NAALADL2: variants seen among roughly 807,000 people sequenced by gnomAD.
The protein encoded by NAALADL2 is inactive N-acetylated-alpha-linked acidic dipeptidase-like protein 2.
In NAALADL2, 76 loss-of-function variants were observed where a neutral mutation model predicts 87.2. The observed-to-expected ratio is 0.87, with a 90% CI of 0.72 to 1.05. The LOEUF (loss-of-function observed/expected upper bound fraction) is 1.05. Among genes scored for constraint, NAALADL2 ranks in the 50% least tolerant of loss-of-function variants. The pLI, the probability that NAALADL2 is intolerant of heterozygous loss-of-function variation, is 0.00. For missense variants in NAALADL2, 1,089 were observed against 945.8 expected (o/e 1.15, Z -1.99); for synonymous variants, 354 against 331.0 (o/e 1.07, Z -0.75).
At chr3:175,742,982 G>C (rs573387299) in intron 12 of NAALADL2, among the ~76,000 whole-genome samples, 2 of 151,546 alleles carry the variant, frequency 1.3e-5, no homozygotes, top group Non-Finnish European at 2.9e-5. Context: ...TCAGAGGAAG[G>C]TCAGACAATT....
intron 2 of NAALADL2, among the ~76,000 whole-genome samples, chr3:175,183,048 T>G: frequency 1.3e-5 from 1 of 78,272 alleles, no homozygotes; most frequent in East Asian, 5.2e-4. Flanking sequence ...TATATGAACT[T>G]TAAGATTTTT....
At chr3:175,325,207 C>T (rs1760555714) in intron 5 of NAALADL2, among the ~76,000 whole-genome samples, 1 of 152,106 alleles carries the variant, frequency 6.6e-6, no homozygotes, top group Admixed American at 6.5e-5. Context: ...TACTCAAATC[C>T]AGCTGCCTAT....
chr3:174,978,321 A>T (rs1009222143), intron 1 of NAALADL2, among the ~76,000 whole-genome samples: 4 of 152,208 alleles, frequency 2.6e-5, no homozygotes, highest in African/African-American at 9.6e-5. Context: ...TTTTAATGTC[A>T]GTTTTTAATT....
chr3:175,640,957 G>A (rs1729207775), intron 11 of NAALADL2, among the ~76,000 whole-genome samples: 1 of 152,144 alleles, frequency 6.6e-6, no homozygotes, highest in South Asian at 2.1e-4. Context: ...TATTTCACTA[G>A]GCAACTGCTT....
At chr3:174,597,250 A>G (rs1309232494) in intron 2 of NAALADL2, among the ~76,000 whole-genome samples, 1 of 152,216 alleles carries the variant, frequency 6.6e-6, no homozygotes, top group East Asian at 1.9e-4. Flanking sequence ...TTGTAACAAC[A>G]GGAGTCTAGT....
At chr3:174,669,010 G>A (rs2108797252) in intron 2 of NAALADL2, among the ~76,000 whole-genome samples, 1 of 152,222 alleles carries the variant, frequency 6.6e-6, no homozygotes, top group East Asian at 1.9e-4. Flanking sequence ...CTTCCACAAT[G>A]GTTGAACTAG....
chr3:175,519,678 T>C (rs1245300681), intron 9 of NAALADL2, among the ~76,000 whole-genome samples: 1 of 152,156 alleles, frequency 6.6e-6, no homozygotes, highest in East Asian at 1.9e-4. Context: ...ACAAATAAAA[T>C]TGAATCCACT....
intron 2 of NAALADL2, among the ~76,000 whole-genome samples, chr3:174,667,562 T>TTTTTTA (rs1553814188): frequency 3.2e-4 from 34 of 105,644 alleles, no homozygotes; most frequent in Admixed American, 2.9e-3. Flanking sequence ...TTTTTTTTTT[T>TTTTTTA]ATAGCAAGAC....
At chr3:175,713,928 T>C (rs866509667) in intron 11 of NAALADL2, among the ~76,000 whole-genome samples, 2 of 152,170 alleles carry the variant, frequency 1.3e-5, no homozygotes, top group Non-Finnish European at 2.9e-5. Context: ...CCCCATCCTA[T>C]GTTCATGTGT....
chr3:175,391,482 A>C (rs1769061108), intron 5 of NAALADL2, among the ~76,000 whole-genome samples: 1 of 152,300 alleles, frequency 6.6e-6, no homozygotes, highest in Non-Finnish European at 1.5e-5. Flanking sequence ...TCATGTAGCA[A>C]GGAACTGAGA....
At chr3:175,681,988 T>C (rs1275781657) in intron 11 of NAALADL2, among the ~76,000 whole-genome samples, 1 of 152,138 alleles carries the variant, frequency 6.6e-6, no homozygotes, top group African/African-American at 2.4e-5. Flanking sequence ...GGTTATAGGT[T>C]AAATGTTTTC....
intron 3 of NAALADL2, among the ~76,000 whole-genome samples, chr3:174,737,904 A>G (rs1733368949): frequency 6.6e-6 from 1 of 152,038 alleles, no homozygotes; most frequent in East Asian, 1.9e-4. Context: ...ATGTATTCCA[A>G]TTTTTATTTA....
At chr3:175,168,446 A>G (rs1221493000) in intron 2 of NAALADL2, among the ~76,000 whole-genome samples, 1 of 151,854 alleles carries the variant, frequency 6.6e-6, no homozygotes, top group Admixed American at 6.6e-5. Context: ...TTTATAAGAT[A>G]TGTGACTCCC....
intron 1 of NAALADL2, among the ~76,000 whole-genome samples, chr3:174,912,334 T>A (rs918037596): frequency 4.6e-5 from 7 of 152,100 alleles, no homozygotes; most frequent in African/African-American, 1.7e-4. Flanking sequence ...GAAAAAGCTC[T>A]GCAACTTCAG....
At chr3:175,351,072 T>A (rs1763707716) in intron 5 of NAALADL2, among the ~76,000 whole-genome samples, 1 of 152,128 alleles carries the variant, frequency 6.6e-6, no homozygotes, top group South Asian at 2.1e-4. Context: ...CTTTAATATG[T>A]TCAGTAAATG....
intron 10 of NAALADL2, among the ~76,000 whole-genome samples, chr3:175,606,729 G>A (rs757104293): frequency 3.3e-5 from 5 of 152,050 alleles, no homozygotes; most frequent in African/African-American, 4.8e-5. Context: ...GAGGCAAACA[G>A]AAGAGTGTAA....
chr3:175,163,223 C>A lies in NAALADL2; in HGVS notation c.545+65932C>A, dbSNP rs139463763. ...GTTTGAATGGCTGAAAAAAATTGAC[C>A]AGTTTTCCACTTTAAAAAGTTTACC... On this transcript the variant is annotated intron_variant, in intron 2 of 13. Coordinates refer to ENST00000454872, the MANE Select transcript of NAALADL2 (RefSeq NM_207015.3). Among the ~76,000 whole-genome samples the A allele has an allele frequency of 2.2e-4, 33 of 152,008 alleles. No homozygotes were observed. In the South Asian group the frequency reaches 6.2e-3, roughly 29 times the overall value.
chr3:175,407,373 C>T (rs1239995424), intron 5 of NAALADL2, among the ~76,000 whole-genome samples: 2 of 152,144 alleles, frequency 1.3e-5, no homozygotes, highest in Admixed American at 1.3e-4. Context: ...TGGCTGAGTT[C>T]ATTTTAAAGA....
chr3:174,807,592 C>T (rs1719656235), intron 3 of NAALADL2, among the ~76,000 whole-genome samples: 1 of 151,946 alleles, frequency 6.6e-6, no homozygotes, highest in African/African-American at 2.4e-5. Flanking sequence ...TTGTAGTTTG[C>T]AAGTATATAT....
Sources: allele counts gnomAD v4.1 joint callset (sites outside exome capture counted in the v4.1 genomes callset), GRCh38; gene constraint gnomAD v4.1.1; transcripts MANE v1.5; gene names NCBI Gene and HGNC (gene_info 2026-07-23, HGNC 2026-07-21).